CEP70: variants seen among roughly 807,000 people sequenced by gnomAD.
The protein encoded by CEP70 is centrosomal protein of 70 kDa.
CEP70 carries 70 observed loss-of-function variants against 90.9 expected under a neutral mutation model. The ratio of observed to expected loss-of-function variants is 0.77; its 90% CI spans 0.64 to 0.94. CEP70 has a LOEUF of 0.94. CEP70 is among the 40% of genes least tolerant of loss of function. The pLI, the probability that CEP70 is intolerant of heterozygous loss-of-function variation, is 0.00. For synonymous variants in CEP70, 220 were observed against 228.3 expected (o/e 0.96, Z 0.33); for missense variants, 648 against 669.0 (o/e 0.97, Z 0.35).
At chr3:138,495,955 T>G in intron 17 of CEP70, 1 of 985,410 alleles carries the variant, frequency 1.0e-6, no homozygotes, top group Non-Finnish European at 1.2e-6. Flanking sequence ...GCTTACCAGA[T>G]AAACCAATCC....
intron 6 of CEP70, among the ~76,000 whole-genome samples, chr3:138,540,700 GCTAAAAGCAGAA>G (rs1330731510): frequency 6.6e-6 from 1 of 152,130 alleles, no homozygotes; most frequent in Non-Finnish European, 1.5e-5. Flanking sequence ...TCCTCAAAGA[GCTAAAAGCAGAA>G]CTACCATTTG....
At chr3:138,518,634 A>G (rs1221076339) in intron 11 of CEP70, among the ~76,000 whole-genome samples, 2 of 152,242 alleles carry the variant, frequency 1.3e-5, no homozygotes, top group Non-Finnish European at 2.9e-5. Flanking sequence ...GTCTGTTAGA[A>G]GGAAAACTAA....
chr3:138,577,577 G>A (rs1259199178), intron 2 of CEP70, among the ~76,000 whole-genome samples: 2 of 152,180 alleles, frequency 1.3e-5, no homozygotes, highest in Non-Finnish European at 2.9e-5. Flanking sequence ...GAACCCAGGA[G>A]ATGGAAGTTG....
chr3:138,508,735 A>AT (rs2035232687), intron 11 of CEP70, among the ~76,000 whole-genome samples, 191 bp from the exon 12 acceptor site: 1 of 151,668 alleles, frequency 6.6e-6, no homozygotes. Flanking sequence ...AGTTAAAAAA[A>AT]ATTTTTTTTT....
At position 138,496,207 on chromosome 3, in the gene CEP70, C is replaced by CGCA. The variant is rs2033944296; in HGVS notation, c.1733-1132_1733-1131insTGC. On this transcript the variant is annotated intron_variant, in intron 17 of 17. Coordinates refer to ENST00000264982, the MANE Select transcript of CEP70 (RefSeq NM_024491.4). ...CATCATTAATAAACGCGTTCCCTTA[C>CGCA]ATAAAGCATGCTTTCTTGGATTCCA... 7 of 985,306 alleles carry CGCA rather than the reference C, an allele frequency of 7.1e-6. No homozygotes were observed. The South Asian group carries it at 2.8e-4, about 40-fold the overall frequency. The allele number at this position is 985,306 out of a possible 1,614,324, so 61.0% of individuals were successfully genotyped here.
intron 6 of CEP70, among the ~76,000 whole-genome samples, chr3:138,537,552 T>A (rs1211361205): frequency 6.6e-6 from 1 of 152,132 alleles, no homozygotes; most frequent in African/African-American, 2.4e-5. Flanking sequence ...CAAATAGCTA[T>A]AAAATGGGGA....
At chr3:138,536,093 A>G (rs990831802) in intron 7 of CEP70, among the ~76,000 whole-genome samples, 6 of 152,118 alleles carry the variant, frequency 3.9e-5, no homozygotes, top group African/African-American at 1.4e-4. Context: ...CTAATTATTC[A>G]AGATTTCCAG....
At chr3:138,585,374 C>T (rs563424648) in intron 2 of CEP70, among the ~76,000 whole-genome samples, 109 of 152,128 alleles carry the variant, frequency 7.2e-4, no homozygotes, top group Non-Finnish European at 1.3e-3. Flanking sequence ...TTATAAAATA[C>T]TGATGACAGA....
chr3:138,544,223 C>T (rs1177572909), intron 6 of CEP70, among the ~76,000 whole-genome samples: 1 of 150,314 alleles, frequency 6.7e-6, no homozygotes, highest in Admixed American at 6.6e-5. Context: ...AACAGGTACA[C>T]TAAAAAAAAA....
At chr3:138,524,127 G>C (rs553120970) in intron 11 of CEP70, among the ~76,000 whole-genome samples, 1 of 148,662 alleles carries the variant, frequency 6.7e-6, no homozygotes. Context: ...AATGGGGAAA[G>C]GATTCCCTAT....
At chr3:138,523,601 A>G (rs1212027315) in intron 11 of CEP70, among the ~76,000 whole-genome samples, 8 of 152,200 alleles carry the variant, frequency 5.3e-5, no homozygotes, top group Non-Finnish European at 8.8e-5. Flanking sequence ...AGAGAGCCAA[A>G]TCATGAGTGA....
intron 6 of CEP70, among the ~76,000 whole-genome samples, chr3:138,537,606 A>G (rs928097660): frequency 1.3e-5 from 2 of 152,194 alleles, no homozygotes; most frequent in African/African-American, 4.8e-5. Flanking sequence ...TTTCTTACCA[A>G]GTAAAGGAAC....
chr3:138,593,532 T>A (rs1270374758), intron 1 of CEP70, among the ~76,000 whole-genome samples: 1 of 152,178 alleles, frequency 6.6e-6, no homozygotes, highest in Non-Finnish European at 1.5e-5. Flanking sequence ...CTGTTTAATA[T>A]CATTGATTGA....
At chr3:138,534,093 A>G (rs1217936336) in intron 7 of CEP70, among the ~76,000 whole-genome samples, 1 of 152,176 alleles carries the variant, frequency 6.6e-6, no homozygotes, top group African/African-American at 2.4e-5. Flanking sequence ...CTGAATTTTT[A>G]TAAACATTTA....
chr3:138,538,220 C>A (rs943375357), intron 6 of CEP70, among the ~76,000 whole-genome samples: 1 of 152,172 alleles, frequency 6.6e-6, no homozygotes, highest in Non-Finnish European at 1.5e-5. Context: ...GTGGGAATAG[C>A]AGCAACCCCA....
At chr3:138,564,656 G>T (rs2040648532) in intron 6 of CEP70, among the ~76,000 whole-genome samples, 1 of 152,116 alleles carries the variant, frequency 6.6e-6, no homozygotes, top group African/African-American at 2.4e-5. Context: ...AGCCCTTCTT[G>T]CTAAAAACTC....
At chr3:138,543,506 C>T (rs776235726) in intron 6 of CEP70, among the ~76,000 whole-genome samples, 3 of 152,220 alleles carry the variant, frequency 2.0e-5, no homozygotes, top group Non-Finnish European at 2.9e-5. Flanking sequence ...GGGCAGGGGG[C>T]TTTCCAGGCC....
intron 1 of CEP70, among the ~76,000 whole-genome samples, chr3:138,592,398 T>C (rs1270302128): frequency 6.6e-6 from 1 of 152,164 alleles, no homozygotes; most frequent in African/African-American, 2.4e-5. Flanking sequence ...AACGGGCCAA[T>C]AGTTTGCAGC....
At chr3:138,555,264 C>CAAAAAAAA (rs2039923848) in intron 6 of CEP70, among the ~76,000 whole-genome samples, 1 of 101,872 alleles carries the variant, frequency 9.8e-6, no homozygotes. Context: ...AAAAAAAAAT[C>CAAAAAAAA]AACTCAAGAT....
Sources: allele counts gnomAD v4.1 joint callset (sites outside exome capture counted in the v4.1 genomes callset), GRCh38; gene constraint gnomAD v4.1.1; transcripts MANE v1.5; gene names NCBI Gene and HGNC (gene_info 2026-07-23, HGNC 2026-07-21).